SULT2B1: variants seen among roughly 807,000 people sequenced by gnomAD.
The protein encoded by SULT2B1 is sulfotransferase family 2B member 1.
A neutral mutation model predicts 33.2 loss-of-function variants in SULT2B1; 16 were observed. That is an observed-to-expected ratio of 0.48 (90% CI 0.33 to 0.73). SULT2B1 has a LOEUF of 0.73. Among genes scored for constraint, SULT2B1 ranks in the 30% least tolerant of loss-of-function variants. The pLI is 0.02. For missense variants in SULT2B1, 500 were observed against 506.0 expected, an observed-to-expected ratio of 0.99 and a Z score of 0.11; for synonymous variants, 186 against 200.5, an observed-to-expected ratio of 0.93 and a Z score of 0.61.
Position 48,575,335 on chromosome 19 carries a change from C to T in SULT2B1, c.72-606C>T, listed in dbSNP as rs1420938694. ...TGTTGCCCAAGCTGGAGTGCAGTGG[C>T]GCGATCTCAGCTCACTGAAACCTCC... On this transcript the variant is annotated intron_variant, in intron 1 of 6. Coordinates refer to ENST00000201586, the MANE Select transcript of SULT2B1 (RefSeq NM_177973.2). Among the ~76,000 whole-genome samples, 3 of 150,992 alleles carry T rather than the reference C, an allele frequency of 2.0e-5. No homozygotes were observed. In the Admixed American group the frequency reaches 2.0e-4, roughly 10 times the overall value.
chr19:48,598,145 C>T lies in SULT2B1; in HGVS notation c.827-990C>T, dbSNP rs115018887. On this transcript the variant is annotated intron_variant, in intron 6 of 6. Coordinates refer to ENST00000201586, the MANE Select transcript of SULT2B1 (RefSeq NM_177973.2). ...ATGGAGGGAGTCTTTATTCAGCCCA[C>T]CCCAGGGAACCCCTCCCCACAACCT... Among the ~76,000 whole-genome samples, 442 of 152,268 alleles carry T rather than the reference C, an allele frequency of 2.9e-3. 3 individuals are homozygous for T. The highest frequency in any genetic ancestry group is 9.6e-3 in the African/African-American group (399 of 41,556).
chr19:48,571,636 C>CAA (rs141727418), intron 1 of SULT2B1, among the ~76,000 whole-genome samples: 242 of 137,042 alleles, frequency 1.8e-3, no homozygotes, highest in East Asian at 3.3e-3. Context: ...AGAACAATAA[C>CAA]AAAAGAAAAA....
chr19:48,581,472 G>T (rs866943476), intron 2 of SULT2B1, among the ~76,000 whole-genome samples: 26 of 118,902 alleles, frequency 2.2e-4, no homozygotes, highest in African/African-American at 4.7e-4. Flanking sequence ...AGATTTGAGA[G>T]TTTTTTTTTT....
chr19:48,565,917 A>ATTT (rs34520151), intron 1 of SULT2B1, among the ~76,000 whole-genome samples: 7 of 143,712 alleles, frequency 4.9e-5, no homozygotes, highest in Non-Finnish European at 9.1e-5. Flanking sequence ...ACACCAGGCT[A>ATTT]TTTTTTTTTT....
chr19:48,556,705 G>T (rs1973103623), intron 1 of SULT2B1, among the ~76,000 whole-genome samples: 1 of 151,340 alleles, frequency 6.6e-6, no homozygotes, highest in Admixed American at 6.6e-5. Flanking sequence ...AATCCCAGCA[G>T]TTTGGGAGGC....
At chr19:48,573,430 G>A (rs3760802) in intron 1 of SULT2B1, among the ~76,000 whole-genome samples, 66,433 of 151,858 alleles carry the variant, frequency 0.44, 15,140 homozygotes, top group South Asian at 0.57. Context: ...AGAGAAGTTC[G>A]TCCCGGGGCC....
chr19:48,590,493 T>G (rs1009440305), intron 3 of SULT2B1, among the ~76,000 whole-genome samples: 2 of 151,934 alleles, frequency 1.3e-5, no homozygotes, highest in African/African-American at 4.8e-5. Flanking sequence ...TCCCAGCTAC[T>G]CGGGAGGCTG....
In SULT2B1 at chr19:48,599,162, T is replaced by G; in HGVS notation, c.854T>G (p.Phe285Cys). The stretch of plus-strand genomic sequence containing the variant: ...GTCTGCGGCGACTGGAAGAACCACT[T>G]CACGGTGGCCCAGAGCGAAGCCTTC... Reference protein sequence around the residue: ...KGVCGDWKNHFTVAQSEAFDR... With the variant: ...KGVCGDWKNHCTVAQSEAFDR... The change falls in exon 7 of 7, where the codon TTC (phenylalanine) becomes TGC (cysteine). Residue 285 changes from phenylalanine (F) to cysteine (C), a missense_variant. Physicochemically the swap from Phe to Cys is radical, Grantham distance 205 (BLOSUM62 -2). Coordinates refer to ENST00000201586, the MANE Select transcript of SULT2B1 (RefSeq NM_177973.2). The surrounding 1 kb of genome is among the most constrained non-coding windows in gnomAD (Gnocchi z 4.1). 6.3e-7 allele frequency: 1 copy of G among 1,593,254 alleles called. No homozygotes were observed. Among genetic ancestry groups the G allele is most frequent in the South Asian group, 1.1e-5 (1 of 88,662 alleles).
At chr19:48,581,888 TTA>T (rs201619175) in intron 2 of SULT2B1, among the ~76,000 whole-genome samples, 4,238 of 106,608 alleles carry the variant, frequency 0.04, 139 homozygotes, top group African/African-American at 0.1. Context: ...ATTATTATTA[TTA>T]TATTATTATT....
In SULT2B1 at chr19:48,554,127, C is replaced by T. The variant is rs1384218787; in HGVS notation, c.71+1804C>T. 2.0e-5 allele frequency among the ~76,000 whole-genome samples: 3 copies of T among 152,222 alleles called. No individual in the cohort carries two copies. In the East Asian group the frequency reaches 5.8e-4, roughly 29 times the overall value. ...CCCTCCCCTGCAAGACTCCTCCAGCCCTGATGGCTGCAGAGCCCTGGGGGG... is the reference window on the plus strand; with the variant it reads ...CCCTCCCCTGCAAGACTCCTCCAGCTCTGATGGCTGCAGAGCCCTGGGGGG... On this transcript the variant is annotated intron_variant, in intron 1 of 6. Transcript: ENST00000201586.
At chr19:48,556,840 C>T (rs1316034693) in intron 1 of SULT2B1, among the ~76,000 whole-genome samples, 19 of 151,738 alleles carry the variant, frequency 1.3e-4, no homozygotes. Flanking sequence ...ATCTCAGCTA[C>T]TCAGGAGGTT....
chr19:48,589,343 GAC>G (rs1342378997), intron 3 of SULT2B1, among the ~76,000 whole-genome samples: 1 of 152,128 alleles, frequency 6.6e-6, no homozygotes, highest in East Asian at 1.9e-4. Context: ...GGGGGAGGAA[GAC>G]ACGGGCTCTG....
At chr19:48,593,783 CG>C (rs1973675277) in intron 5 of SULT2B1, among the ~76,000 whole-genome samples, 1 of 149,568 alleles carries the variant, frequency 6.7e-6, no homozygotes, top group South Asian at 2.1e-4. Context: ...TACAGGCATG[CG>C]CCACCACGCC....
intron 5 of SULT2B1, chr19:48,595,665 GTTGTTTTTT>G (rs1973702488): frequency 1.4e-4 from 2 of 14,784 alleles, no homozygotes; most frequent in African/African-American, 2.3e-4. Context: ...GTTTTTTTTT[GTTGTTTTTT>G]TTTTTTTTTT....
intron 1 of SULT2B1, among the ~76,000 whole-genome samples, chr19:48,569,068 CGTGGTGGCTCACGCCT>C (rs1222630618): frequency 1.3e-5 from 2 of 151,976 alleles, no homozygotes; most frequent in East Asian, 3.9e-4. Context: ...TTAGGCTGGG[CGTGGTGGCTCACGCCT>C]GTAATCCCAG....
intron 1 of SULT2B1, among the ~76,000 whole-genome samples, chr19:48,560,547 C>T (rs1353667224): frequency 6.6e-6 from 1 of 151,598 alleles, no homozygotes; most frequent in Non-Finnish European, 1.5e-5. Context: ...ACCGTGAGCC[C>T]ATAGGAAAAC....
At chr19:48,567,184 A>G (rs1251628352) in intron 1 of SULT2B1, among the ~76,000 whole-genome samples, 2 of 152,154 alleles carry the variant, frequency 1.3e-5, no homozygotes, top group Admixed American at 1.3e-4. Context: ...GCCCTGGGAT[A>G]TATTTCACTG....
chr19:48,556,788 T>A (rs1159509561), intron 1 of SULT2B1, among the ~76,000 whole-genome samples: 1 of 148,472 alleles, frequency 6.7e-6, no homozygotes, highest in African/African-American at 2.5e-5. Flanking sequence ...CCATCTGTAC[T>A]AAAAATAAAA....
chr19:48,558,117 C>T (rs549906035), intron 1 of SULT2B1, among the ~76,000 whole-genome samples: 7 of 152,022 alleles, frequency 4.6e-5, no homozygotes, highest in African/African-American at 1.7e-4. Flanking sequence ...TTACAGCCGT[C>T]GGAGATTAAC....
Sources: allele counts gnomAD v4.1 joint callset (sites outside exome capture counted in the v4.1 genomes callset), GRCh38; gene constraint gnomAD v4.1.1; non-coding constraint Gnocchi (gnomAD v3.1); transcripts MANE v1.5; gene names NCBI Gene and HGNC (gene_info 2026-07-23, HGNC 2026-07-21).